Variants in NCS1 observed in about 807,000 individuals in gnomAD.
NCS1 encodes the protein frequenin homolog.
In NCS1, 6 loss-of-function variants were observed where a neutral mutation model predicts 28.4. The ratio of observed to expected loss-of-function variants is 0.21; its 90% CI spans 0.12 to 0.42. The LOEUF (loss-of-function observed/expected upper bound fraction) is 0.42, where lower values mean the gene tolerates loss of function less well. Among genes scored for constraint, NCS1 ranks in the 10% least tolerant of loss-of-function variants. The probability of loss-of-function intolerance (pLI) is 1.00; values close to 1 mark genes in which losing one functional copy is unlikely to be tolerated. For missense variants in NCS1, 131 were observed against 241.4 expected (o/e 0.54, Z 3.03); for synonymous variants, 86 against 99.3 (o/e 0.87, Z 0.79).
rs782606831 is a variant in NCS1, at chr9:130,223,137, G to A, written c.452G>A (p.Arg151Gln). ...AACACTCCTGAGAAGAGGGTGGACC[G>A]GATCTTTGCCATGATGGATAAGGTG... ...EENTPEKRVD[R>Q]IFAMMDKNAD... The change falls in exon 6 of 8, where the codon CGG becomes CAG. Residue 151 changes from arginine (R) to glutamine (Q), a missense_variant. Arg to Gln is a conservative substitution (Grantham distance 43). This residue lies in a region of NCS1 where 100 missense variants were observed against 210.3 expected (regional missense o/e 0.48). Coordinates refer to ENST00000372398, the MANE Select transcript of NCS1 (RefSeq NM_014286.4). 3.7e-6 allele frequency: 6 copies of A among 1,613,526 alleles called. No individual in the cohort carries two copies. The highest frequency in any genetic ancestry group is 4.2e-6 in the Non-Finnish European group (5 of 1,179,720).
chr9:130,196,596 A>C (rs1832881217), intron 1 of NCS1, among the ~76,000 whole-genome samples: 1 of 152,152 alleles, frequency 6.6e-6, no homozygotes, highest in Non-Finnish European at 1.5e-5. Flanking sequence ...AAAATTAGCC[A>C]GGCGTGGTAG....
chr9:130,178,472 C>T (rs1010741667), intron 1 of NCS1, among the ~76,000 whole-genome samples: 6 of 152,210 alleles, frequency 3.9e-5, no homozygotes, highest in Non-Finnish European at 8.8e-5. Context: ...GCCTTGGGAT[C>T]GGACCCAGCT....
intron 2 of NCS1, among the ~76,000 whole-genome samples, chr9:130,202,182 G>A (rs1792315363): frequency 6.6e-6 from 1 of 152,230 alleles, no homozygotes; most frequent in South Asian, 2.1e-4. Context: ...GTCTGGCCCT[G>A]TTGACCCCTG....
At chr9:130,200,623 A>G in intron 1 of NCS1, 1 of 1,551,772 alleles carries the variant, frequency 6.4e-7, no homozygotes, top group South Asian at 1.2e-5. Context: ...TAAGTCTTAG[A>G]TGTTGGCCTG....
chr9:130,206,376 T>G (rs944140975), intron 2 of NCS1, among the ~76,000 whole-genome samples: 4 of 149,360 alleles, frequency 2.7e-5, no homozygotes, highest in Non-Finnish European at 5.9e-5. Flanking sequence ...CTGGCACCCA[T>G]TCTTGTTCTT....
intron 6 of NCS1, among the ~76,000 whole-genome samples, chr9:130,224,609 G>A (rs529340727): frequency 6.6e-6 from 1 of 151,620 alleles, no homozygotes; most frequent in South Asian, 2.1e-4. Context: ...CCTACTTGAG[G>A]GTGGAGGGTG....
chr9:130,212,922 G>A (rs1292139423), intron 2 of NCS1, among the ~76,000 whole-genome samples: 1 of 152,160 alleles, frequency 6.6e-6, no homozygotes, highest in Admixed American at 6.5e-5. Context: ...TCACAGCTGT[G>A]ATTTGCAGGG....
chr9:130,199,963 C>T (rs190564680), intron 1 of NCS1, among the ~76,000 whole-genome samples: 47 of 152,108 alleles, frequency 3.1e-4, no homozygotes, highest in Admixed American at 2.5e-3. Flanking sequence ...GAGGGCCCTA[C>T]GCCGTACCCT....
Position 130,185,949 on chromosome 9 carries a change from T to G in NCS1, c.64+13222T>G, listed in dbSNP as rs148452664. On this transcript the variant is annotated intron_variant, in intron 1 of 7. Transcript: ENST00000372398. ...GCTGTCAAAATCGCTGAGCGAAGCCTGCCTAGGTGCCCCGGCCATGATTCC... is the reference window on the plus strand; with the variant it reads ...GCTGTCAAAATCGCTGAGCGAAGCCGGCCTAGGTGCCCCGGCCATGATTCC... Among the ~76,000 whole-genome samples the G allele has an allele frequency of 9.4e-3, 1,425 of 152,340 alleles. 11 individuals are homozygous for G. Among genetic ancestry groups the G allele is most frequent in the Middle Eastern group, 0.034 (10 of 294 alleles).
chr9:130,172,532 G>C lies in NCS1; in HGVS notation c.-132G>C, dbSNP rs1185923977. On this transcript the variant is annotated 5_prime_UTR_variant, in exon 1 of 8. Coordinates refer to ENST00000372398, the MANE Select transcript of NCS1 (RefSeq NM_014286.4). ...CCCACGCCCCGGGCGCCCCGGCGCC[G>C]ACAGCCGCGCAGCGCAGCGCGGGCG... 5.9e-5 allele frequency: 17 copies of C among 287,952 alleles called. No individual in the cohort carries two copies. The highest frequency in any genetic ancestry group is 3.7e-4 in the African/African-American group (16 of 42,886). The allele number at this position is 287,952 out of a possible 1,614,324, so 17.8% of individuals were successfully genotyped here. A position where few individuals can be genotyped will look rare whatever the true frequency, so the allele number is the denominator to read the frequency against.
In NCS1 at chr9:130,230,711, TA is replaced by T. The variant is rs35933110; in HGVS notation, c.*18-2265del. Among the ~76,000 whole-genome samples, 1,267 of 142,136 alleles carry T rather than the reference TA, an allele frequency of 8.9e-3. 7 individuals are homozygous for T. The highest frequency in any genetic ancestry group is 0.018 in the African/African-American group (698 of 38,586). 93.2% of individuals were successfully genotyped at this position (142,136 alleles called of 152,430 possible). A position where few individuals can be genotyped will look rare whatever the true frequency, so the allele number is the denominator to read the frequency against. On this transcript the variant is annotated intron_variant, in intron 7 of 7. Transcript: ENST00000372398. ...GTGACAGTGTAAGACTCTGTCTCTT[TA>T]AAAAAAAAAAAAAGTGTAATGTTTT...
At chr9:130,185,103 A>G (rs1832721690) in intron 1 of NCS1, among the ~76,000 whole-genome samples, 1 of 152,042 alleles carries the variant, frequency 6.6e-6, no homozygotes, top group Non-Finnish European at 1.5e-5. Context: ...ATCCTCGTCC[A>G]CACTCGCATC....
chr9:130,201,561 C>T (rs540726379), intron 2 of NCS1, among the ~76,000 whole-genome samples: 3 of 152,062 alleles, frequency 2.0e-5, no homozygotes, highest in Admixed American at 1.3e-4. Flanking sequence ...GGGAGGAGGG[C>T]GGTGTATTGT....
intron 1 of NCS1, chr9:130,200,643 G>A (rs1832929478): frequency 1.3e-6 from 2 of 1,551,876 alleles, no homozygotes; most frequent in Middle Eastern, 1.7e-4. Context: ...GGGAGCAAGG[G>A]CTGTGGGAGA....
rs1554910728 is a variant in NCS1 at position 130,222,647 on chromosome 9, C to T, written c.308-3C>T. ...ATCACTCAGCAGTGCTGCTTGCTTA[C>T]AGGGGCCTTCAAGCTCTACGACTTG... On this transcript the variant is annotated splice_region_variant and splice_polypyrimidine_tract_variant and intron_variant, in intron 4 of 7. Coordinates refer to ENST00000372398, the MANE Select transcript of NCS1 (RefSeq NM_014286.4). 1 of 1,613,672 alleles carries T rather than the reference C, an allele frequency of 6.2e-7. No homozygotes were observed. Among genetic ancestry groups the T allele is most frequent in the Admixed American group, 1.7e-5 (1 of 60,002 alleles).
Position 130,226,282 on chromosome 9 carries a change from T to G in NCS1, c.475-107T>G. ...TAGGCCCTGAGCCACGTTGCCTCCC[T>G]CCTGATCTAACCTTGGAAGGGCTCT... On this transcript the variant is annotated intron_variant, in intron 6 of 7. Transcript: ENST00000372398. The surrounding 1 kb of genome is among the most constrained non-coding windows in gnomAD (Gnocchi z 4.8). 1 of 939,568 alleles carries G rather than the reference T, an allele frequency of 1.1e-6. No homozygotes were observed. The allele number at this position is 939,568 out of a possible 1,614,324, so 58.2% of individuals were successfully genotyped here. A position where few individuals can be genotyped will look rare whatever the true frequency, so the allele number is the denominator to read the frequency against.
Position 130,177,142 on chromosome 9 carries a change from G to C in NCS1, c.64+4415G>C, listed in dbSNP as rs1435660822. 1.3e-5 allele frequency among the ~76,000 whole-genome samples: 2 copies of C among 152,196 alleles called. No homozygotes were observed. The highest frequency in any genetic ancestry group is 4.8e-5 in the African/African-American group (2 of 41,460). On this transcript the variant is annotated intron_variant, in intron 1 of 7. Coordinates refer to ENST00000372398, the MANE Select transcript of NCS1 (RefSeq NM_014286.4). This position sits in a 1 kb window ranked among gnomAD's most constrained non-coding sequence, Gnocchi z 4.4. Reference sequence around the variant, plus strand: ...GCCGGCACACAGGAGCAGGTGGAGGGCAGGAGCCCACGGCTGACGCCTCTG... The same window carrying C: ...GCCGGCACACAGGAGCAGGTGGAGGCCAGGAGCCCACGGCTGACGCCTCTG...
intron 4 of NCS1, among the ~76,000 whole-genome samples, chr9:130,221,335 A>T (rs986153409): frequency 1.7e-4 from 23 of 139,316 alleles, no homozygotes; most frequent in African/African-American, 5.9e-4. Context: ...TGTTATTTTT[A>T]ATATATATAT....
chr9:130,216,780 G>C (rs1833196029), intron 2 of NCS1, among the ~76,000 whole-genome samples: 1 of 151,998 alleles, frequency 6.6e-6, no homozygotes, highest in East Asian at 1.9e-4. Context: ...TCCTGGGAGA[G>C]TAAGGTGTGC....
Sources: allele counts gnomAD v4.1 joint callset (sites outside exome capture counted in the v4.1 genomes callset), GRCh38; gene constraint gnomAD v4.1.1; regional missense constraint gnomAD v4.1.1; non-coding constraint Gnocchi (gnomAD v3.1); transcripts MANE v1.5; gene names NCBI Gene and HGNC (gene_info 2026-07-23, HGNC 2026-07-21).